The following ZNF490 variants were observed in gnomAD, a reference collection of about 807,000 sequenced individuals.
ZNF490 encodes zinc finger protein 490.
ZNF490 carries 11 observed loss-of-function variants against 17.7 expected under a neutral mutation model. That is an observed-to-expected ratio of 0.62 (90% confidence interval 0.39 to 1.03). The LOEUF is 1.03. ZNF490 is among the 50% of genes least tolerant of loss of function. The probability of loss-of-function intolerance (pLI) is 0.00; values close to 1 mark genes in which losing one functional copy is unlikely to be tolerated. For missense variants in ZNF490, 542 were observed against 643.4 expected, an observed-to-expected ratio of 0.84 and a Z score of 1.71; for synonymous variants, 222 against 216.1, an observed-to-expected ratio of 1.03 and a Z score of -0.24.
chr19:12,594,163 G>A (rs2022904994), intron 2 of ZNF490, among the ~76,000 whole-genome samples: 1 of 152,082 alleles, frequency 6.6e-6, no homozygotes, highest in Non-Finnish European at 1.5e-5. Context: ...CATGAGAGGA[G>A]GTTTCTAAAG....
intron 2 of ZNF490, among the ~76,000 whole-genome samples, chr19:12,598,382 T>C (rs1051608267): frequency 2.7e-5 from 4 of 149,714 alleles, no homozygotes; most frequent in African/African-American, 4.9e-5. Flanking sequence ...AATTCTCCCC[T>C]TTTTTTTTGG....
At chr19:12,593,071 A>G (rs999054853) in intron 2 of ZNF490, among the ~76,000 whole-genome samples, 13 of 152,198 alleles carry the variant, frequency 8.5e-5, no homozygotes, top group African/African-American at 3.1e-4. Flanking sequence ...ATCACTCTCT[A>G]TTTTGAGAAG....
Position 12,583,791 on chromosome 19 carries a change from C to CTCTATA in ZNF490, c.163-236_163-235insTATAGA, listed in dbSNP as rs1315571249. 2.2e-4 allele frequency among the ~76,000 whole-genome samples: 15 copies of CTCTATA among 68,128 alleles called. No individual in the cohort carries two copies. The East Asian group carries it at 2.4e-3, about 11-fold the overall frequency. 44.7% of individuals were successfully genotyped at this position (68,128 alleles called of 152,430 possible). On this transcript the variant is annotated intron_variant, in intron 2 of 4. Coordinates refer to ENST00000311437, the MANE Select transcript of ZNF490 (RefSeq NM_020714.3). ...TCTCTCTCTCTCTCTCTCTCTCTCT[C>CTCTATA]TATATATATATATATATATATTTTT...
At chr19:12,594,683 T>C (rs1235478242) in intron 2 of ZNF490, among the ~76,000 whole-genome samples, 10 of 151,868 alleles carry the variant, frequency 6.6e-5, no homozygotes, top group Non-Finnish European at 7.4e-5. Context: ...AAAGCCCAAA[T>C]GATGTTGTGG....
At chr19:12,583,809 A>ATTTTTTTTTTT (rs2022778086) in intron 2 of ZNF490, among the ~76,000 whole-genome samples, 2 of 105,136 alleles carry the variant, frequency 1.9e-5, no homozygotes, top group African/African-American at 8.1e-5. Context: ...ATATATATAT[A>ATTTTTTTTTTT]TATTTTTTTT....
chr19:12,582,367 A>G (rs1023507525), intron 4 of ZNF490, among the ~76,000 whole-genome samples: 8 of 151,678 alleles, frequency 5.3e-5, no homozygotes, highest in Non-Finnish European at 8.8e-5. Context: ...CTGGGATTAG[A>G]GGTATTCGCT....
In ZNF490 at chr19:12,590,225, T is replaced by A. The variant is rs1330608661; in HGVS notation, c.163-6669A>T. 3.3e-5 allele frequency among the ~76,000 whole-genome samples: 5 copies of A among 151,080 alleles called. No individual in the cohort carries two copies. In the East Asian group the frequency reaches 5.9e-4, roughly 18 times the overall value. On this transcript the variant is annotated intron_variant, in intron 2 of 4. Transcript: ENST00000311437. ...CCACCATGCCTGGCCTTTTTTTTTTTTTCTTTGAGATGGAGTTTCGCTCTG... is the reference window on the plus strand; with the variant it reads ...CCACCATGCCTGGCCTTTTTTTTTTATTCTTTGAGATGGAGTTTCGCTCTG...
intron 2 of ZNF490, among the ~76,000 whole-genome samples, chr19:12,596,264 CAA>C (rs74180082): frequency 6.4e-5 from 6 of 93,186 alleles, no homozygotes; most frequent in Admixed American, 1.2e-4. Flanking sequence ...GACTCCGTCT[CAA>C]AAAAAAAAAA....
chr19:12,597,460 T>A (rs562886399), intron 2 of ZNF490: 2 of 273,780 alleles, frequency 7.3e-6, no homozygotes, highest in Non-Finnish European at 1.5e-5. Flanking sequence ...GATATTTGCA[T>A]GTAAGAGGAA....
At position 12,588,108 on chromosome 19, in the gene ZNF490, G is replaced by GTA. The variant is rs1568279387; in HGVS notation, c.163-4553_163-4552insTA. Among the ~76,000 whole-genome samples the GTA allele has an allele frequency of 6.3e-5, 2 of 31,592 alleles. 1 individual carries two copies. Among genetic ancestry groups the GTA allele is most frequent in the Non-Finnish European group, 2.8e-4 (2 of 7,080 alleles). The allele number at this position is 31,592 out of a possible 152,430, so 20.7% of individuals were successfully genotyped here. Reference sequence around the variant, plus strand: ...TGGTCTCAAACTCCTGACCTCAGGCGATCCGCCTGCCTCCCAAAGTGCTGA... The same window carrying GTA: ...TGGTCTCAAACTCCTGACCTCAGGCGTAATCCGCCTGCCTCCCAAAGTGCTGA... On this transcript the variant is annotated intron_variant, in intron 2 of 4. Transcript: ENST00000311437.
chr19:12,581,002 C>T lies in ZNF490; in HGVS notation c.1073G>A (p.Gly358Glu), dbSNP rs147278541. The T allele has an allele frequency of 6.2e-7, 1 of 1,614,040 alleles. No homozygotes were observed. The highest frequency in any genetic ancestry group is 1.3e-5 in the African/African-American group (1 of 74,920). ...TTTCTTACATGTATAAGGTTGAACTCCGGTGTGGGTTTTCACGTGTTTTCG... is the reference window on the plus strand; with the variant it reads ...TTTCTTACATGTATAAGGTTGAACTTCGGTGTGGGTTTTCACGTGTTTTCG... Reference protein sequence around the residue: ...SLRKHVKTHTGVQPYTCKKCG... With the variant: ...SLRKHVKTHTEVQPYTCKKCG... The change falls in exon 5 of 5, where the codon GGA becomes GAA. Residue 358 changes from glycine (G) to glutamate (E), a missense_variant. Transcript: ENST00000311437.
intron 2 of ZNF490, among the ~76,000 whole-genome samples, chr19:12,588,928 A>G (rs918194593): frequency 1.6e-4 from 24 of 152,348 alleles, no homozygotes; most frequent in African/African-American, 5.5e-4. Context: ...CAAAACACGT[A>G]GAATGCAGCA....
In ZNF490 at chr19:12,580,656, T is replaced by G. The variant is rs746566213; in HGVS notation, c.1419A>C (p.Pro473=). The G allele has an allele frequency of 1.6e-5, 26 of 1,614,210 alleles. 1 individual carries two copies. The South Asian group carries it at 2.7e-4, about 17-fold the overall frequency. Residue 473 remains proline (P), a synonymous_variant, in exon 5 of 5, where the codon CCA becomes CCC. Transcript: ENST00000311437. Reference sequence around the variant, plus strand: ...CTTTGCCACACTGCTTACACTCACATGGTTTCACTCCAGTGTGACTTCTTT... The same window carrying G: ...CTTTGCCACACTGCTTACACTCACAGGGTTTCACTCCAGTGTGACTTCTTT... The part of the protein sequence containing the change: ...RHERSHTGVK[P]CECKQCGKAF...
At chr19:12,597,212 C>T (rs2022945517) in intron 2 of ZNF490, 2 of 457,784 alleles carry the variant, frequency 4.4e-6, no homozygotes, top group Admixed American at 4.7e-5. Context: ...CTGCAGGTCC[C>T]AGTGAGACAA....
At chr19:12,600,798 T>C (rs1300697621) in intron 2 of ZNF490, among the ~76,000 whole-genome samples, 2 of 152,140 alleles carry the variant, frequency 1.3e-5, no homozygotes, top group East Asian at 3.9e-4. Context: ...CTTTGGAGAT[T>C]GTGACATCAG....
At position 12,609,159 on chromosome 19, in the gene ZNF490, G is replaced by C; in HGVS notation, c.161C>G (p.Thr54Ser). 1 of 1,614,088 alleles carries C rather than the reference G, an allele frequency of 6.2e-7. No individual in the cohort carries two copies. The highest frequency in any genetic ancestry group is 1.1e-5 in the South Asian group (1 of 91,078). ...EHHGQSIKTQ[T>S]DSISLEDVAV... is the part of the protein sequence containing the mutation. ...CTGACAGGTAGCGATCTCACTTACA[G>C]TTTGAGTCTTGATGCTTTGTCCATG... Residue 54 changes from threonine to serine, a missense_variant and splice_region_variant, in exon 2 of 5, where the codon ACT becomes AGT. By Grantham distance (58) the Thr-to-Ser change is moderately conservative. Coordinates refer to ENST00000311437, the MANE Select transcript of ZNF490 (RefSeq NM_020714.3).
Position 12,578,209 on chromosome 19 carries a change from C to T in ZNF490, c.*2276G>A. ...GCCGGAGCATCATCAGTGCATATGC[C>T]GCTGAATATCTCAGGGTAGAATGTG... On this transcript the variant is annotated 3_prime_UTR_variant, in exon 5 of 5. Transcript: ENST00000311437. The T allele has an allele frequency of 6.1e-6, 6 of 985,454 alleles. No homozygotes were observed. Among genetic ancestry groups the T allele is most frequent in the Non-Finnish European group, 7.2e-6 (6 of 829,988 alleles). 61.0% of individuals were successfully genotyped at this position (985,454 alleles called of 1,614,324 possible).
rs532873619 is a variant in ZNF490, at chr19:12,579,976, G to A, written c.*509C>T. 3.1e-5 allele frequency: 6 copies of A among 194,558 alleles called. No homozygotes were observed. Among genetic ancestry groups the A allele is most frequent in the South Asian group, 1.8e-4 (1 of 5,696 alleles). The allele number at this position is 194,558 out of a possible 1,614,324, so 12.1% of individuals were successfully genotyped here. ...TACAAAATTAGCCAGGCGTGGTGGC[G>A]CATGCCTGTAATCCCAGCTTCTTGG... On this transcript the variant is annotated 3_prime_UTR_variant, in exon 5 of 5. Transcript: ENST00000311437.
intron 4 of ZNF490, 22 bp from the exon 5 acceptor site, chr19:12,581,746 T>C: frequency 6.5e-7 from 1 of 1,542,136 alleles, no homozygotes; most frequent in Non-Finnish European, 8.7e-7. Context: ...GAGTACCGTA[T>C]TATTAATAGT....
Sources: allele counts gnomAD v4.1 joint callset (sites outside exome capture counted in the v4.1 genomes callset), GRCh38; gene constraint gnomAD v4.1.1; transcripts MANE v1.5; gene names NCBI Gene and HGNC (gene_info 2026-07-23, HGNC 2026-07-21).